ANXA10: variants seen among roughly 807,000 people sequenced by gnomAD.
ANXA10 encodes the protein annexin A10, also known as annexin 14.
A neutral mutation model predicts 53.5 loss-of-function variants in ANXA10; 49 were observed. That is an observed-to-expected ratio of 0.92 (90% confidence interval 0.73 to 1.16). ANXA10 has a LOEUF of 1.16. Ranked by LOEUF, ANXA10 falls within the 50% of genes most tolerant of loss-of-function variation. The pLI, the probability that ANXA10 is intolerant of heterozygous loss-of-function variation, is 0.00. For missense variants in ANXA10, 393 were observed against 394.4 expected (o/e 1.00, Z 0.03); for synonymous variants, 131 against 128.9 (o/e 1.02, Z -0.11).
Position 168,155,800 on chromosome 4 carries a change from TAA to T in ANXA10, c.196-6727_196-6726del, listed in dbSNP as rs1178804673. Among the ~76,000 whole-genome samples, 12 of 34,798 alleles carry T rather than the reference TAA, an allele frequency of 3.4e-4. 1 individual carries two copies. The highest frequency in any genetic ancestry group is 4.6e-4 in the Non-Finnish European group (10 of 21,538). 22.8% of individuals were successfully genotyped at this position (34,798 alleles called of 152,430 possible). ...TATATTATATATTATATATAATATA[TAA>T]TATATGATATATTATATATGATATA... is the stretch of plus-strand genomic sequence containing the variant. On this transcript the variant is annotated intron_variant, in intron 3 of 11. Transcript: ENST00000359299.
chr4:168,159,829 G>T (rs1420686279), intron 3 of ANXA10, among the ~76,000 whole-genome samples: 1 of 152,084 alleles, frequency 6.6e-6, no homozygotes, highest in East Asian at 1.9e-4. Context: ...GGTGGTGTTG[G>T]ATTATGCCAA....
At chr4:168,135,218 AAT>A (rs1359843107) in intron 2 of ANXA10, among the ~76,000 whole-genome samples, 4 of 152,216 alleles carry the variant, frequency 2.6e-5, no homozygotes, top group African/African-American at 7.2e-5. Context: ...GGCATTGGTC[AAT>A]GTGATTAGGC....
intron 1 of ANXA10, among the ~76,000 whole-genome samples, chr4:168,122,241 A>G (rs1389791289): frequency 6.6e-6 from 1 of 152,166 alleles, no homozygotes; most frequent in Non-Finnish European, 1.5e-5. Flanking sequence ...TGGTGTCTTA[A>G]TATTGTTTCT....
chr4:168,113,019 T>A (rs1467224992), intron 1 of ANXA10, among the ~76,000 whole-genome samples: 1 of 150,128 alleles, frequency 6.7e-6, no homozygotes, highest in African/African-American at 2.5e-5. Context: ...GGAGACTCCA[T>A]CGGAAAAAAA....
chr4:168,155,928 AT>A (rs1731642710), intron 3 of ANXA10, among the ~76,000 whole-genome samples: 1 of 90,316 alleles, frequency 1.1e-5, no homozygotes, highest in Non-Finnish European at 2.4e-5. Context: ...TATATCATAT[AT>A]TATATGTTAT....
At chr4:168,155,144 G>C (rs910851594) in intron 3 of ANXA10, among the ~76,000 whole-genome samples, 1 of 150,958 alleles carries the variant, frequency 6.6e-6, no homozygotes, top group Non-Finnish European at 1.5e-5. Context: ...TATCTCCTAA[G>C]CCTTTGCCTG....
intron 3 of ANXA10, among the ~76,000 whole-genome samples, chr4:168,146,916 T>A (rs1350060695): frequency 6.6e-6 from 1 of 152,246 alleles, no homozygotes; most frequent in Non-Finnish European, 1.5e-5. Context: ...GGGGCAATAA[T>A]CATTCTTTTT....
At chr4:168,128,941 CA>C (rs200536933) in intron 2 of ANXA10, among the ~76,000 whole-genome samples, 30 of 149,248 alleles carry the variant, frequency 2.0e-4, no homozygotes, top group South Asian at 1.3e-3. Context: ...GATTCTTTTA[CA>C]AAAAAAAATA....
chr4:168,124,471 T>C (rs376228520), intron 1 of ANXA10, among the ~76,000 whole-genome samples: 14 of 152,168 alleles, frequency 9.2e-5, no homozygotes, highest in African/African-American at 3.4e-4. Context: ...GAATATTGTA[T>C]ATCTGTTAAA....
intron 3 of ANXA10, among the ~76,000 whole-genome samples, chr4:168,146,968 C>A (rs978891647): frequency 1.3e-5 from 2 of 152,190 alleles, no homozygotes; most frequent in African/African-American, 4.8e-5. Context: ...GCCACAGCAT[C>A]CCAGTGGACA....
intron 5 of ANXA10, 66 bp from the exon 6 acceptor site, chr4:168,165,181 T>C: frequency 9.6e-7 from 1 of 1,044,748 alleles, no homozygotes; most frequent in South Asian, 1.7e-5. Context: ...TAACATTAAC[T>C]TACTCAAAAC....
intron 3 of ANXA10, among the ~76,000 whole-genome samples, chr4:168,151,629 G>A (rs1731498819): frequency 6.6e-6 from 1 of 150,690 alleles, no homozygotes; most frequent in Non-Finnish European, 1.5e-5. Flanking sequence ...TTTGAAAAGT[G>A]GTGTATATAT....
chr4:168,120,010 T>C (rs1007113484), intron 1 of ANXA10, among the ~76,000 whole-genome samples: 1 of 152,092 alleles, frequency 6.6e-6, no homozygotes, highest in Non-Finnish European at 1.5e-5. Context: ...GGGAATAATA[T>C]AGCTATAATA....
At chr4:168,139,373 G>A (rs1731289755) in intron 2 of ANXA10, 113 bp from the exon 3 acceptor site, 1 of 740,752 alleles carries the variant, frequency 1.3e-6, no homozygotes, top group Non-Finnish European at 2.1e-6. Context: ...GTTCCCTGCT[G>A]TAAAATACCA....
intron 1 of ANXA10, among the ~76,000 whole-genome samples, chr4:168,092,985 A>C (rs112101465): frequency 0.024 from 3,585 of 152,222 alleles, 135 homozygotes; most frequent in African/African-American, 0.078. Flanking sequence ...AAATAAAGAA[A>C]ACTGAAGATT....
chr4:168,153,443 AAAAAC>A (rs1560782288), intron 3 of ANXA10, among the ~76,000 whole-genome samples: 1 of 49,968 alleles, frequency 2.0e-5, no homozygotes, highest in South Asian at 4.8e-4. Context: ...AAAAAAAAAC[AAAAAC>A]AAAAACAAAA....
intron 3 of ANXA10, among the ~76,000 whole-genome samples, chr4:168,144,366 T>G (rs113007379): frequency 0.016 from 2,414 of 152,204 alleles, 65 homozygotes; most frequent in African/African-American, 0.054. Flanking sequence ...TTTGTATTTT[T>G]AGTAGAGATA....
intron 4 of ANXA10, among the ~76,000 whole-genome samples, chr4:168,162,969 C>T (rs1731812022): frequency 6.6e-6 from 1 of 151,994 alleles, no homozygotes; most frequent in African/African-American, 2.4e-5. Context: ...AGCATGTATT[C>T]CTATATTGAG....
At chr4:168,126,882 C>G (rs979908738) in intron 1 of ANXA10, among the ~76,000 whole-genome samples, 1 of 152,166 alleles carries the variant, frequency 6.6e-6, no homozygotes, top group Admixed American at 6.5e-5. Flanking sequence ...AGAATCCAAA[C>G]TGAATTCAAT....
Sources: gnomAD v4.1 joint callset for allele counts (sites outside exome capture counted in the v4.1 genomes callset) on GRCh38, gnomAD v4.1.1 for gene constraint, MANE v1.5 for transcripts, NCBI Gene and HGNC (gene_info 2026-07-23, HGNC 2026-07-21) for gene names.